The following ITIH3 variants were observed in gnomAD, a reference collection of about 807,000 sequenced individuals.
The protein encoded by ITIH3 is inter-alpha-trypsin inhibitor heavy chain H3.
Under a neutral mutation model 96.5 loss-of-function variants are expected in ITIH3, and 81 were observed. That is an observed-to-expected ratio of 0.84 (90% CI 0.70 to 1.01). The LOEUF (loss-of-function observed/expected upper bound fraction) is 1.01, where lower values mean the gene tolerates loss of function less well. Among genes scored for constraint, ITIH3 ranks in the 50% least tolerant of loss-of-function variants. The pLI is 0.00. For missense variants in ITIH3, 1,057 were observed against 1,139.3 expected (o/e 0.93, Z 1.04); for synonymous variants, 422 against 445.2 (o/e 0.95, Z 0.66).
At position 52,796,521 on chromosome 3, in the gene ITIH3, C is replaced by T. The variant is rs758523734; in HGVS notation, c.155C>T (p.Ser52Phe). Residue 52 changes from serine to phenylalanine, a missense_variant, in exon 3 of 22, where the codon TCC (serine) becomes TTC (phenylalanine). Transcript: ENST00000449956. ...GAGGTCTACAGTACCAAAATCAACT[C>T]CAAGGTGACCTCCCGTTTTGCTCAC... ...GIEVYSTKIN[S>F]KVTSRFAHNV... is the part of the protein sequence containing the mutation. 1 of 1,613,386 alleles carries T rather than the reference C, an allele frequency of 6.2e-7. No homozygotes were observed. The highest frequency in any genetic ancestry group is 2.2e-5 in the East Asian group (1 of 44,882).
Position 52,804,240 on chromosome 3 carries a change from T to C in ITIH3, c.1864+231T>C. 5.3e-6 allele frequency: 3 copies of C among 566,426 alleles called. No individual in the cohort carries two copies. The South Asian group carries it at 6.5e-5, about 12-fold the overall frequency. 35.1% of individuals were successfully genotyped at this position (566,426 alleles called of 1,614,324 possible). On this transcript the variant is annotated intron_variant, in intron 14 of 21. Transcript: ENST00000449956. ...CTCTGCACCTCTAAAGGGAAGTGAG[T>C]AAAGGGGGCACACTGCCCATGGGGC...
rs770849480 is a variant in ITIH3 at position 52,808,076 on chromosome 3, C to G, written c.2432-34C>G. ...TGGCCACGTTACCCGTGGCAATGGC[C>G]AGGGGCTGACAGCATGAATATTTTT... On this transcript the variant is annotated intron_variant, in intron 20 of 21. Transcript: ENST00000449956. 4.4e-6 allele frequency: 7 copies of G among 1,606,352 alleles called. No homozygotes were observed. The South Asian group carries it at 7.7e-5, about 18-fold the overall frequency.
rs1029571605 is a variant in ITIH3, at chr3:52,796,102, G to A, written c.115-379G>A. ...TACCTAAAGACCCAGGAGGTGGGCTGGGCTGTGTGCTTGAGGGAGTGTGAG... is the reference window on the plus strand; with the variant it reads ...TACCTAAAGACCCAGGAGGTGGGCTAGGCTGTGTGCTTGAGGGAGTGTGAG... On this transcript the variant is annotated intron_variant, in intron 2 of 21. Coordinates refer to ENST00000449956, the MANE Select transcript of ITIH3 (RefSeq NM_002217.4). 6 of 252,274 alleles carry A rather than the reference G, an allele frequency of 2.4e-5. No individual in the cohort carries two copies. The East Asian group carries it at 2.9e-4, about 12-fold the overall frequency. 15.6% of individuals were successfully genotyped at this position (252,274 alleles called of 1,614,324 possible). A position where few individuals can be genotyped will look rare whatever the true frequency, so the allele number is the denominator to read the frequency against.
Position 52,802,389 on chromosome 3 carries a change from C to T in ITIH3, c.1439C>T (p.Pro480Leu). The T allele has an allele frequency of 1.2e-6, 2 of 1,613,974 alleles. No individual in the cohort carries two copies. Among genetic ancestry groups the T allele is most frequent in the Non-Finnish European group, 1.7e-6 (2 of 1,179,888 alleles). The change falls in exon 12 of 22, where the codon CCC (proline) becomes CTC (leucine). Residue 480 changes from proline (P) to leucine (L), a missense_variant. Physicochemically the swap from Pro to Leu is moderately conservative, Grantham distance 98. Transcript: ENST00000449956. ...CTGACGGGTGTGGAGATGGAGTACC[C>T]CGAGAACGCTATCCTGGACCTCACC... is the stretch of plus-strand genomic sequence containing the variant. ...PLLTGVEMEY[P>L]ENAILDLTQN...
chr3:52,795,229 G>A (rs183026669), intron 1 of ITIH3, among the ~76,000 whole-genome samples: 19 of 152,344 alleles, frequency 1.2e-4, no homozygotes, highest in Admixed American at 9.8e-4. Flanking sequence ...TGAGCCCTGC[G>A]GGGTGTGGCG....
intron 11 of ITIH3, 74 bp downstream of exon 11, chr3:52,801,220 A>G: frequency 7.6e-7 from 1 of 1,311,668 alleles, no homozygotes; most frequent in Non-Finnish European, 1.0e-6. Flanking sequence ...ATAAGGTGAC[A>G]GTTCTAGTTA....
intron 18 of ITIH3, 66 bp from the exon 19 acceptor site, chr3:52,806,835 C>A (rs539896532): frequency 3.3e-5 from 45 of 1,347,116 alleles, no homozygotes; most frequent in Admixed American, 2.8e-4. Context: ...GGAAGGCACA[C>A]CCCTAAAGGC....
rs144994194 is a variant in ITIH3, at chr3:52,795,725, G to A, written c.114+102G>A. The A allele has an allele frequency of 9.2e-5, 108 of 1,170,332 alleles. No homozygotes were observed. In the East Asian group the frequency reaches 2.7e-3, roughly 29 times the overall value. The allele number at this position is 1,170,332 out of a possible 1,614,324, so 72.5% of individuals were successfully genotyped here. On this transcript the variant is annotated intron_variant, in intron 2 of 21. Transcript: ENST00000449956. ...AGGCTATAACAGCTGACTCCTCACA[G>A]CTGGCAAACAGCTTACGGCCCTCTG... is the stretch of plus-strand genomic sequence containing the variant.
chr3:52,807,230 A>C, intron 19 of ITIH3, 125 bp downstream of exon 19: 1 of 856,124 alleles, frequency 1.2e-6, no homozygotes, highest in African/African-American at 1.7e-5. Context: ...CAGAGACCCC[A>C]GAATCCAGTC....
At chr3:52,796,308 C>T (rs1699577672) in intron 2 of ITIH3, among the ~76,000 whole-genome samples, 173 bp from the exon 3 acceptor site, 1 of 152,182 alleles carries the variant, frequency 6.6e-6, no homozygotes, top group African/African-American at 2.4e-5. Flanking sequence ...GCCACCAGAA[C>T]ATGGAGACTG....
At chr3:52,795,951 G>C (rs1030374324) in intron 2 of ITIH3, 2 of 353,322 alleles carry the variant, frequency 5.7e-6, no homozygotes, top group South Asian at 5.9e-5. Context: ...ATATCCCTAG[G>C]GGGAGGGGGC....
chr3:52,801,599 C>G (rs192697099), intron 11 of ITIH3, among the ~76,000 whole-genome samples: 1 of 152,110 alleles, frequency 6.6e-6, no homozygotes, highest in South Asian at 2.1e-4. Context: ...GGCCTCTTTC[C>G]TTTTCTCCAT....
chr3:52,805,280 C>T (rs2154110313), intron 15 of ITIH3: 1 of 1,010,240 alleles, frequency 9.9e-7, no homozygotes, highest in Non-Finnish European at 1.2e-6. Context: ...TCCCCAGCCC[C>T]TACTGGCCTG....
chr3:52,807,375 C>T (rs1467808460), intron 19 of ITIH3, among the ~76,000 whole-genome samples: 1 of 152,206 alleles, frequency 6.6e-6, no homozygotes, highest in African/African-American at 2.4e-5. Context: ...TTTGCCTCTT[C>T]TGTGGCTGCT....
At position 52,798,902 on chromosome 3, in the gene ITIH3, C is replaced by A. The variant is rs539764358; in HGVS notation, c.664-64C>A. 457 of 1,588,258 alleles carry A rather than the reference C, an allele frequency of 2.9e-4. 2 individuals carry two copies. In the African/African-American group the frequency reaches 4.9e-3, roughly 17 times the overall value. The stretch of plus-strand genomic sequence containing the variant: ...GCACCTCTGCTCCCTCAGCTAAGGG[C>A]TGAGGTCTCCCAGTGGGCAGGCCCT... On this transcript the variant is annotated intron_variant, in intron 6 of 21. Transcript: ENST00000449956.
At chr3:52,797,038 G>A in intron 4 of ITIH3, 67 bp from the exon 5 acceptor site, 10 of 1,537,124 alleles carry the variant, frequency 6.5e-6, no homozygotes, top group Non-Finnish European at 7.9e-6. Flanking sequence ...TGGGCCTGGG[G>A]CCGAGGGCCG....
intron 16 of ITIH3, 103 bp downstream of exon 16, chr3:52,805,943 G>C: frequency 6.5e-7 from 1 of 1,533,900 alleles, no homozygotes; most frequent in Non-Finnish European, 9.0e-7. Flanking sequence ...GGGATGGGCA[G>C]ATGGACAATG....
intron 9 of ITIH3, chr3:52,800,268 T>C: frequency 1.8e-6 from 1 of 546,534 alleles, no homozygotes; most frequent in Non-Finnish European, 3.3e-6. Context: ...GTACTGGGAG[T>C]CCATCCAACT....
At position 52,800,605 on chromosome 3, in the gene ITIH3, A is replaced by G; in HGVS notation, c.1143A>G (p.Arg381=). The G allele has an allele frequency of 6.3e-7, 1 of 1,580,250 alleles. No individual in the cohort carries two copies. Among genetic ancestry groups the G allele is most frequent in the Non-Finnish European group, 8.6e-7 (1 of 1,162,900 alleles). Residue 381 remains arginine, a synonymous_variant, in exon 10 of 22, where the codon AGA becomes AGG. Transcript: ENST00000449956. ...TGAACAAGGCCCGAGAGGAGCACAG[A>G]ATCCCAGAGAGGAGCACCTCCATTG... ...SMLNKAREEH[R]IPERSTSIVI...
Sources: gnomAD v4.1 joint callset for allele counts (sites outside exome capture counted in the v4.1 genomes callset) on GRCh38, gnomAD v4.1.1 for gene constraint, MANE v1.5 for transcripts, NCBI Gene and HGNC (gene_info 2026-07-23, HGNC 2026-07-21) for gene names.